The following LGSN variants were observed in gnomAD, a reference collection of about 807,000 sequenced individuals.
LGSN encodes lengsin, lens protein with glutamine synthetase domain.
LGSN carries 21 observed loss-of-function variants against 19.5 expected under a neutral mutation model. The observed-to-expected ratio is 1.07, with a 90% confidence interval of 0.76 to 1.55. The LOEUF is 1.55. Among genes scored for constraint, LGSN ranks in the 40% most tolerant of loss-of-function variants. LGSN has a pLI of 0.00. For missense variants in LGSN, 673 were observed against 608.5 expected (o/e 1.11, Z -1.12); for synonymous variants, 257 against 215.6 (o/e 1.19, Z -1.68).
the LGSN span, among the ~76,000 whole-genome samples, chr6:63,334,769 C>T: frequency 6.6e-6 from 1 of 152,078 alleles, no homozygotes; most frequent in Non-Finnish European, 1.5e-5. Flanking sequence ...GACCCATAGA[C>T]CAATGAAACA....
chr6:63,373,683 A>C, the LGSN span, among the ~76,000 whole-genome samples: 1 of 152,232 alleles, frequency 6.6e-6, no homozygotes, highest in Middle Eastern at 3.4e-3. Context: ...AAAAAAGGGC[A>C]TCTGTGGGGC....
chr6:63,365,607 TAC>T, the LGSN span, among the ~76,000 whole-genome samples: 19,719 of 152,040 alleles, frequency 0.13, 2,809 homozygotes, highest in African/African-American at 0.35. Flanking sequence ...ATCATCCTGA[TAC>T]CAAAGTCTGG....
the LGSN span, among the ~76,000 whole-genome samples, chr6:63,523,399 T>G: frequency 6.6e-6 from 1 of 151,900 alleles, no homozygotes; most frequent in Non-Finnish European, 1.5e-5. Flanking sequence ...CCAGGCATGA[T>G]GGGGCATGCC....
the LGSN span, chr6:63,572,802 C>G: frequency 2.5e-6 from 1 of 397,328 alleles, no homozygotes; most frequent in Non-Finnish European, 4.4e-6. Context: ...TGTTCGGAGC[C>G]CGGCGTCTCC....
the LGSN span, among the ~76,000 whole-genome samples, chr6:63,407,085 A>G: frequency 6.6e-6 from 1 of 152,032 alleles, no homozygotes; most frequent in Non-Finnish European, 1.5e-5. Flanking sequence ...TTCACAGCCA[A>G]ATTCTACCAG....
the LGSN span, among the ~76,000 whole-genome samples, chr6:63,529,077 G>A: frequency 4.0e-5 from 6 of 149,396 alleles, no homozygotes; most frequent in South Asian, 6.3e-4. Context: ...CAACAAGAGC[G>A]AAACTCCATC....
chr6:63,548,365 A>G, the LGSN span, among the ~76,000 whole-genome samples: 2 of 152,220 alleles, frequency 1.3e-5, no homozygotes, highest in Non-Finnish European at 2.9e-5. Context: ...GATAAAATGA[A>G]TTTATACGTA....
At chr6:63,432,171 A>AAGAAAGAG in the LGSN span, among the ~76,000 whole-genome samples, 1 of 93,956 alleles carries the variant, frequency 1.1e-5, no homozygotes, top group Non-Finnish European at 2.0e-5. Context: ...GAAAGAAAGA[A>AAGAAAGAG]AAGGAAAGAA....
the LGSN span, among the ~76,000 whole-genome samples, chr6:63,370,176 C>T: frequency 6.6e-6 from 1 of 152,164 alleles, no homozygotes; most frequent in Non-Finnish European, 1.5e-5. Flanking sequence ...CAGGTAACAT[C>T]CCCCTCAAGT....
chr6:63,292,749 A>T (rs970246566), intron 2 of LGSN, among the ~76,000 whole-genome samples: 5 of 152,222 alleles, frequency 3.3e-5, no homozygotes, highest in African/African-American at 1.2e-4. Context: ...ACTTGCCTGG[A>T]CTGCCCATGG....
chr6:63,516,954 CT>C, the LGSN span, among the ~76,000 whole-genome samples: 26 of 152,260 alleles, frequency 1.7e-4, no homozygotes, highest in African/African-American at 5.8e-4. Context: ...CCCAAACTGA[CT>C]CTTCTGGATT....
chr6:63,322,493 C>A (rs540635156), upstream of LGSN, among the ~76,000 whole-genome samples: 3 of 152,116 alleles, frequency 2.0e-5, no homozygotes, highest in East Asian at 5.8e-4. Context: ...ACCTTTCTCC[C>A]GATTTGTTGT....
chr6:63,348,613 T>C, the LGSN span, among the ~76,000 whole-genome samples: 2 of 152,142 alleles, frequency 1.3e-5, no homozygotes, highest in Non-Finnish European at 2.9e-5. Context: ...CTAGTAGATG[T>C]TGAAGAGAGA....
the LGSN span, among the ~76,000 whole-genome samples, chr6:63,456,830 T>C: frequency 6.6e-6 from 1 of 152,110 alleles, no homozygotes; most frequent in African/African-American, 2.4e-5. Flanking sequence ...AAGAAATTCT[T>C]TGCCACTAGA....
chr6:63,333,131 G>C, the LGSN span, among the ~76,000 whole-genome samples: 2 of 151,888 alleles, frequency 1.3e-5, no homozygotes, highest in East Asian at 3.9e-4. Context: ...GACCCGAGCG[G>C]GTTCCCCCTG....
the LGSN span, among the ~76,000 whole-genome samples, chr6:63,372,734 G>T: frequency 2.6e-5 from 4 of 151,952 alleles, no homozygotes; most frequent in Admixed American, 1.3e-4. Flanking sequence ...CCATCATATG[G>T]AATCTAAGAC....
At chr6:63,510,342 A>G in the LGSN span, among the ~76,000 whole-genome samples, 3 of 152,074 alleles carry the variant, frequency 2.0e-5, no homozygotes, top group African/African-American at 7.2e-5. Flanking sequence ...CACAAACACC[A>G]CATGATCCCA....
At chr6:63,506,406 G>A in the LGSN span, among the ~76,000 whole-genome samples, 2 of 152,034 alleles carry the variant, frequency 1.3e-5, no homozygotes, top group Admixed American at 1.3e-4. Context: ...TGGGATTACA[G>A]GTGCCCACCA....
At chr6:63,348,432 C>A in the LGSN span, among the ~76,000 whole-genome samples, 448 of 151,380 alleles carry the variant, frequency 3.0e-3, 3 homozygotes, top group African/African-American at 0.01. Context: ...CCAGCCTGGG[C>A]GACAGAGTTA....
Sources: allele counts gnomAD v4.1 joint callset (sites outside exome capture counted in the v4.1 genomes callset), GRCh38; gene constraint gnomAD v4.1.1; transcripts MANE v1.5; gene names NCBI Gene and HGNC (gene_info 2026-07-23, HGNC 2026-07-21).